PTPN12: variants seen among roughly 807,000 people sequenced by gnomAD.
PTPN12 encodes the protein tyrosine-protein phosphatase non-receptor type 12.
PTPN12 carries 29 observed loss-of-function variants against 97.6 expected under a neutral mutation model. That is an observed-to-expected ratio of 0.30 (90% CI 0.22 to 0.41). PTPN12 has a LOEUF of 0.41. PTPN12 is among the 10% of genes least tolerant of loss of function. PTPN12 has a pLI of 1.00. For missense variants in PTPN12, 819 were observed against 926.0 expected (o/e 0.88, Z 1.50); for synonymous variants, 327 against 300.4 (o/e 1.09, Z -0.91).
intron 5 of PTPN12, among the ~76,000 whole-genome samples, chr7:77,589,618 T>G (rs1297311671): frequency 6.6e-6 from 1 of 152,156 alleles, no homozygotes; most frequent in Admixed American, 6.6e-5. Flanking sequence ...TTGGGAAGCC[T>G]TAATTTATTC....
At chr7:77,561,089 T>C (rs1310432688) in intron 1 of PTPN12, among the ~76,000 whole-genome samples, 4 of 152,274 alleles carry the variant, frequency 2.6e-5, no homozygotes, top group Admixed American at 2.0e-4. Context: ...TTGTTTTTTG[T>C]TTTTTGTTTT....
chr7:77,630,023 T>A (rs1789343817), intron 13 of PTPN12, among the ~76,000 whole-genome samples: 1 of 152,152 alleles, frequency 6.6e-6, no homozygotes, highest in African/African-American at 2.4e-5. Flanking sequence ...TGGTTTTGTA[T>A]TTCAAAGCAA....
chr7:77,618,393 GAA>G, intron 11 of PTPN12, 85 bp from the exon 12 acceptor site: 1 of 865,130 alleles, frequency 1.2e-6, no homozygotes, highest in Non-Finnish European at 1.7e-6. Flanking sequence ...TTTAAGGATT[GAA>G]AAGCACAGAA....
Position 77,572,198 on chromosome 7 carries a change from G to A in PTPN12, c.208+1012G>A, listed in dbSNP as rs893862012. On this transcript the variant is annotated intron_variant, in intron 2 of 17. Coordinates refer to ENST00000248594, the MANE Select transcript of PTPN12 (RefSeq NM_002835.4). ...CAACCTCTGCCTCCCAGGTTCAAGC[G>A]ACTCTTGTACCTTAGCCTCCTGAGA... 1.8e-4 allele frequency among the ~76,000 whole-genome samples: 27 copies of A among 151,514 alleles called. 1 individual carries two copies. Among genetic ancestry groups the A allele is most frequent in the Non-Finnish European group, 2.1e-4 (14 of 67,956 alleles).
At position 77,618,156 on chromosome 7, in the gene PTPN12, G is replaced by A. The variant is rs140534938; in HGVS notation, c.940-324G>A. 4.6e-5 allele frequency among the ~76,000 whole-genome samples: 7 copies of A among 152,054 alleles called. No individual in the cohort carries two copies. In the East Asian group the frequency reaches 1.2e-3, roughly 25 times the overall value. ...TTAAGTTCCTAGTGGTAGTGATGGC[G>A]GGGCGGGGGGATACTACGTTCTTTA... On this transcript the variant is annotated intron_variant, in intron 11 of 17. Coordinates refer to ENST00000248594, the MANE Select transcript of PTPN12 (RefSeq NM_002835.4).
intron 6 of PTPN12, among the ~76,000 whole-genome samples, chr7:77,597,443 T>A (rs893509325): frequency 6.6e-6 from 1 of 152,166 alleles, no homozygotes; most frequent in Non-Finnish European, 1.5e-5. Flanking sequence ...ATAGTTTGAA[T>A]CATACAGTAT....
chr7:77,552,037 C>T lies in PTPN12; in HGVS notation c.99+14392C>T, dbSNP rs114319220. ...ACATGTTCAGATATTTATCTCCACACCCATTCACTGACATTATTAGATGGT... is the reference window on the plus strand; with the variant it reads ...ACATGTTCAGATATTTATCTCCACATCCATTCACTGACATTATTAGATGGT... On this transcript the variant is annotated intron_variant, in intron 1 of 17. Coordinates refer to ENST00000248594, the MANE Select transcript of PTPN12 (RefSeq NM_002835.4). Among the ~76,000 whole-genome samples, 952 of 152,280 alleles carry T rather than the reference C, an allele frequency of 6.3e-3. 8 individuals are homozygous for T. Among genetic ancestry groups the T allele is most frequent in the African/African-American group, 0.022 (912 of 41,538 alleles).
At chr7:77,627,921 T>C (rs1446208998) in intron 13 of PTPN12, among the ~76,000 whole-genome samples, 1 of 152,206 alleles carries the variant, frequency 6.6e-6, no homozygotes, top group Non-Finnish European at 1.5e-5. Flanking sequence ...TAACTTATTT[T>C]CTTTTTCTTC....
chr7:77,600,850 T>G (rs560112880), intron 8 of PTPN12, 44 bp downstream of exon 8: 1 of 1,465,474 alleles, frequency 6.8e-7, no homozygotes, highest in Admixed American at 2.1e-5. Flanking sequence ...TATTTAAGTT[T>G]GATGTTACAC....
At chr7:77,545,621 T>C (rs1208285251) in intron 1 of PTPN12, 1 of 151,396 alleles carries the variant, frequency 6.6e-6, no homozygotes, top group African/African-American at 2.4e-5. Context: ...TATATAGTTT[T>C]TTTTAATAAT....
intron 12 of PTPN12, among the ~76,000 whole-genome samples, chr7:77,625,467 T>TGCGC (rs1554326563): frequency 1.0e-4 from 2 of 19,916 alleles, no homozygotes; most frequent in Non-Finnish European, 1.5e-4. Flanking sequence ...TTGCCCAGGC[T>TGCGC]GCTCGCTCTC....
At chr7:77,559,821 G>A (rs1241948957) in intron 1 of PTPN12, among the ~76,000 whole-genome samples, 1 of 152,210 alleles carries the variant, frequency 6.6e-6, no homozygotes, top group African/African-American at 2.4e-5. Context: ...AAGACACTAG[G>A]CTCTGTGGGG....
intron 4 of PTPN12, among the ~76,000 whole-genome samples, chr7:77,584,599 C>T (rs978307336): frequency 2.0e-5 from 3 of 152,056 alleles, no homozygotes; most frequent in Admixed American, 1.3e-4. Flanking sequence ...CTAGATTGGC[C>T]GCGTGGGGTG....
chr7:77,637,769 A>C (rs1241018014), intron 16 of PTPN12, among the ~76,000 whole-genome samples: 1 of 144,820 alleles, frequency 6.9e-6, no homozygotes, highest in African/African-American at 2.6e-5. Flanking sequence ...AGGCAGGAGA[A>C]TCCCTTGAAC....
In PTPN12 at chr7:77,625,468, G is replaced by GCTCTCTCTCTCT. The variant is rs139289279; in HGVS notation, c.1026-1234_1026-1233insTCTCTCTCTCTC. The stretch of plus-strand genomic sequence containing the variant: ...AGGGTTTTGCCATATTGCCCAGGCT[G>GCTCTCTCTCTCT]CTCGCTCTCTCTCTCTCTCTCTCTC... On this transcript the variant is annotated intron_variant, in intron 12 of 17. Transcript: ENST00000248594. Among the ~76,000 whole-genome samples, 64 of 24,750 alleles carry GCTCTCTCTCTCT rather than the reference G, an allele frequency of 2.6e-3. 10 individuals are homozygous for GCTCTCTCTCTCT. The highest frequency in any genetic ancestry group is 0.012 in the African/African-American group (49 of 4,056). The allele number at this position is 24,750 out of a possible 152,430, so 16.2% of individuals were successfully genotyped here.
intron 5 of PTPN12, among the ~76,000 whole-genome samples, chr7:77,591,473 A>G (rs1440633524): frequency 1.3e-5 from 2 of 152,248 alleles, no homozygotes; most frequent in African/African-American, 2.4e-5. Flanking sequence ...AAAATTTATC[A>G]TTCTTTTTCT....
At chr7:77,630,479 G>C (rs1187388255) in intron 13 of PTPN12, among the ~76,000 whole-genome samples, 1 of 152,118 alleles carries the variant, frequency 6.6e-6, no homozygotes, top group Non-Finnish European at 1.5e-5. Context: ...GTAACCTCTT[G>C]CTCCTAGGCT....
At chr7:77,560,914 CA>C (rs1478849756) in intron 1 of PTPN12, among the ~76,000 whole-genome samples, 4 of 151,930 alleles carry the variant, frequency 2.6e-5, no homozygotes, top group African/African-American at 9.7e-5. Context: ...GGTATATACC[CA>C]AAAATGGAAT....
chr7:77,584,412 G>C (rs1467282355), intron 4 of PTPN12, among the ~76,000 whole-genome samples: 1 of 152,198 alleles, frequency 6.6e-6, no homozygotes, highest in Non-Finnish European at 1.5e-5. Context: ...GATTGAGAAA[G>C]AGCATGAAGA....
Sources: gnomAD v4.1 joint callset for allele counts (sites outside exome capture counted in the v4.1 genomes callset) on GRCh38, gnomAD v4.1.1 for gene constraint, MANE v1.5 for transcripts, NCBI Gene and HGNC (gene_info 2026-07-23, HGNC 2026-07-21) for gene names.